Variants in FCRL5 observed in about 807,000 individuals in gnomAD.
FCRL5 encodes the protein Fc receptor like 5, also known as Fc receptor-like protein 5.
Under a neutral mutation model 92.1 loss-of-function variants are expected in FCRL5, and 79 were observed. The ratio of observed to expected loss-of-function variants is 0.86; its 90% CI spans 0.72 to 1.03. FCRL5 has a LOEUF of 1.03. Ranked by LOEUF, FCRL5 falls within the 50% of genes least tolerant of loss-of-function variation. The pLI, the probability that FCRL5 is intolerant of heterozygous loss-of-function variation, is 0.00. For synonymous variants in FCRL5, 466 were observed against 469.3 expected (o/e 0.99, Z 0.09); for missense variants, 1,160 against 1,181.1 (o/e 0.98, Z 0.26).
At chr1:157,552,229 A>G (rs1651853769) in intron 1 of FCRL5, 103 bp downstream of exon 1, 1 of 1,116,900 alleles carries the variant, frequency 9.0e-7, no homozygotes, top group Admixed American at 1.8e-5. Context: ...TGTAGGAGAG[A>G]GTCTCTCAGC....
chr1:157,520,989 A>C (rs1395061869), intron 11 of FCRL5, 28 bp downstream of exon 11: 1 of 1,575,770 alleles, frequency 6.3e-7, no homozygotes, highest in East Asian at 2.2e-5. Context: ...TTTTGTCCGC[A>C]TCTGTGGCCC....
At position 157,521,130 on chromosome 1, in the gene FCRL5, C is replaced by A; in HGVS notation, c.2402G>T (p.Gly801Val). Reference protein sequence around the residue: ...VTLGNRSSPSGGASLNLSLTA... With the variant: ...VTLGNRSSPSVGASLNLSLTA... ...CAGAGAGAGGTTTAAGGACGCTCCTCCAGAGGGGGACGACCTATTTCCTAG... is the reference window on the plus strand; with the variant it reads ...CAGAGAGAGGTTTAAGGACGCTCCTACAGAGGGGGACGACCTATTTCCTAG... Residue 801 changes from glycine (G) to valine (V), a missense_variant, in exon 11 of 17, where the codon GGA (glycine) becomes GTA (valine). By Grantham distance (109) the Gly-to-Val change is moderately radical (BLOSUM62 -3). Transcript: ENST00000361835. 6.2e-7 allele frequency: 1 copy of A among 1,614,188 alleles called. No homozygotes were observed. Among genetic ancestry groups the A allele is most frequent in the African/African-American group, 1.3e-5 (1 of 75,050 alleles).
At chr1:157,541,827 T>C (rs1426069800) in intron 6 of FCRL5, 1 of 152,260 alleles carries the variant, frequency 6.6e-6, no homozygotes, top group Non-Finnish European at 1.5e-5. Flanking sequence ...CCATGGAATA[T>C]ATGCAATCAG....
In FCRL5 at chr1:157,515,197, C is replaced by T; in HGVS notation, c.*478G>A. The T allele has an allele frequency of 4.3e-6, 1 of 230,374 alleles. No individual in the cohort carries two copies. Among genetic ancestry groups the T allele is most frequent in the Non-Finnish European group, 8.6e-6 (1 of 115,934 alleles). 14.3% of individuals were successfully genotyped at this position (230,374 alleles called of 1,614,324 possible). A position where few individuals can be genotyped will look rare whatever the true frequency, so the allele number is the denominator to read the frequency against. ...ACAGGCTGTGTGCTGTCCCATTTGG[C>T]AGCACACTGCAGTAGCCCCACCAGG... On this transcript the variant is annotated 3_prime_UTR_variant, in exon 17 of 17. Transcript: ENST00000361835.
At chr1:157,516,220 C>T (rs1471273324) in intron 15 of FCRL5, 1 of 405,568 alleles carries the variant, frequency 2.5e-6, no homozygotes, top group East Asian at 5.0e-5. Context: ...TTTTAGAGAG[C>T]ACACTCCATC....
chr1:157,546,292 A>G (rs531237794), intron 3 of FCRL5: 69 of 451,600 alleles, frequency 1.5e-4, no homozygotes, highest in South Asian at 8.2e-4. Context: ...TGCTAAGAAT[A>G]CAAAAATTAG....
intron 13 of FCRL5, among the ~76,000 whole-genome samples, 184 bp downstream of exon 13, chr1:157,519,559 G>C (rs762567156): frequency 3.6e-4 from 55 of 152,152 alleles, no homozygotes; most frequent in Non-Finnish European, 1.0e-4. Context: ...CAGCTAAGGG[G>C]GTGGGTGCAA....
chr1:157,522,676 G>T (rs2101600708), intron 10 of FCRL5: 1 of 152,318 alleles, frequency 6.6e-6, no homozygotes, highest in African/African-American at 2.4e-5. Context: ...TCTATGACCT[G>T]GGTCCTAGTT....
At position 157,521,224 on chromosome 1, in the gene FCRL5, C is replaced by T. The variant is rs1558127412; in HGVS notation, c.2308G>A (p.Glu770Lys). 3.1e-6 allele frequency: 5 copies of T among 1,614,032 alleles called. No homozygotes were observed. The highest frequency in any genetic ancestry group is 4.2e-6 in the Non-Finnish European group (5 of 1,180,002). Reference sequence around the variant, plus strand: ...CCTCTCAGGGCCTCACAGTGAAGCTCCAGCAGGTCCCCCACCGCAGCATGG... The same window carrying T: ...CCTCTCAGGGCCTCACAGTGAAGCTTCAGCAGGTCCCCCACCGCAGCATGG... ...GTHAAVGDLL[E>K]LHCEALRGSP... is the part of the protein sequence containing the mutation. Residue 770 changes from glutamate to lysine, a missense_variant, in exon 11 of 17, where the codon GAG becomes AAG. Physicochemically the swap from Glu to Lys is moderately conservative, Grantham distance 56 (BLOSUM62 1). Coordinates refer to ENST00000361835, the MANE Select transcript of FCRL5 (RefSeq NM_031281.3).
At chr1:157,531,796 A>T (rs1316230967) in intron 8 of FCRL5, among the ~76,000 whole-genome samples, 1 of 152,198 alleles carries the variant, frequency 6.6e-6, no homozygotes, top group Non-Finnish European at 1.5e-5. Context: ...AGAAGCAGAG[A>T]ATAGAACTGT....
intron 4 of FCRL5, 28 bp from the exon 5 acceptor site, chr1:157,544,574 G>A (rs750991106): frequency 8.1e-6 from 13 of 1,606,776 alleles, no homozygotes; most frequent in Non-Finnish European, 1.1e-5. Context: ...AACAGTCCCA[G>A]AGCAATGAGG....
chr1:157,535,104 C>T (rs1650908544), intron 7 of FCRL5, among the ~76,000 whole-genome samples: 1 of 152,208 alleles, frequency 6.6e-6, no homozygotes, highest in South Asian at 2.1e-4. Flanking sequence ...ATACTCTCTT[C>T]TTCTCTCATG....
chr1:157,539,081 C>T lies in FCRL5; in HGVS notation c.1402+5G>A. Reference sequence around the variant, plus strand: ...GTGGGTGATTGGCAGGAACCCAGGGCTTACCAGTGACGGAGAGGCTCACCG... The same window carrying T: ...GTGGGTGATTGGCAGGAACCCAGGGTTTACCAGTGACGGAGAGGCTCACCG... On this transcript the variant is annotated splice_donor_5th_base_variant and intron_variant, in intron 7 of 16. Transcript: ENST00000361835. 1 of 1,611,420 alleles carries T rather than the reference C, an allele frequency of 6.2e-7. No individual in the cohort carries two copies. The highest frequency in any genetic ancestry group is 8.5e-7 in the Non-Finnish European group (1 of 1,178,966).
chr1:157,549,728 A>T, intron 1 of FCRL5, 148 bp from the exon 2 acceptor site: 1 of 565,320 alleles, frequency 1.8e-6, no homozygotes, highest in Non-Finnish European at 3.1e-6. Context: ...AAATGTATAT[A>T]TATACACATA....
rs142519876 is a variant in FCRL5 at position 157,520,336 on chromosome 1, C to A, written c.2632+95G>T. The A allele has an allele frequency of 1.0e-3, 858 of 853,908 alleles. 4 individuals carry two copies. The highest frequency in any genetic ancestry group is 1.6e-3 in the South Asian group (98 of 61,862). 52.9% of individuals were successfully genotyped at this position (853,908 alleles called of 1,614,324 possible). On this transcript the variant is annotated intron_variant, in intron 12 of 16. Coordinates refer to ENST00000361835, the MANE Select transcript of FCRL5 (RefSeq NM_031281.3). Reference sequence around the variant, plus strand: ...GAGGGACAGAGCGGATGAGCTCTTGCGAGCCTGGGATGGTCACAAAGGCAG... The same window carrying A: ...GAGGGACAGAGCGGATGAGCTCTTGAGAGCCTGGGATGGTCACAAAGGCAG...
At chr1:157,518,630 A>G (rs1650037179) in intron 14 of FCRL5, 70 bp downstream of exon 14, 2 of 1,500,778 alleles carry the variant, frequency 1.3e-6, no homozygotes, top group Non-Finnish European at 1.8e-6. Flanking sequence ...GTCCCTCCCC[A>G]TCTCCTGCCC....
intron 15 of FCRL5, among the ~76,000 whole-genome samples, chr1:157,517,834 C>T (rs1649997318): frequency 6.6e-6 from 1 of 152,264 alleles, no homozygotes; most frequent in South Asian, 2.1e-4. Context: ...GGGTTAAAAC[C>T]TAATCCCCAA....
chr1:157,524,018 T>C, intron 10 of FCRL5: 1 of 489,894 alleles, frequency 2.0e-6, no homozygotes, highest in Non-Finnish European at 3.6e-6. Context: ...AGAATATAGT[T>C]TATGTTCTAA....
chr1:157,524,339 A>G lies in FCRL5; in HGVS notation c.2179T>C (p.Cys727Arg). Residue 727 changes from cysteine to arginine, a missense_variant, in exon 10 of 17, where the codon TGT becomes CGT. Cys to Arg is a radical substitution (Grantham distance 180). Coordinates refer to ENST00000361835, the MANE Select transcript of FCRL5 (RefSeq NM_031281.3). ...GCCTCCAGACCATTGTCTGCCTCAC[A>G]GGAGTAGATTCCAGAATGTTCTGTA... ...LTTEHSGIYSCEADNGLEAQR... is the reference protein window; with the variant it reads ...LTTEHSGIYSREADNGLEAQR... 1 of 1,614,250 alleles carries G rather than the reference A, an allele frequency of 6.2e-7. No homozygotes were observed. Among genetic ancestry groups the G allele is most frequent in the Non-Finnish European group, 8.5e-7 (1 of 1,180,034 alleles).
Sources: allele counts gnomAD v4.1 joint callset (sites outside exome capture counted in the v4.1 genomes callset), GRCh38; gene constraint gnomAD v4.1.1; transcripts MANE v1.5; gene names NCBI Gene and HGNC (gene_info 2026-07-23, HGNC 2026-07-21).